GSE1: variants seen among roughly 807,000 people sequenced by gnomAD.
The protein encoded by GSE1 is Gse1 coiled-coil protein.
GSE1 carries 32 observed loss-of-function variants against 112.6 expected under a neutral mutation model. That is an observed-to-expected ratio of 0.28 (90% CI 0.21 to 0.38). The LOEUF is 0.38. Ranked by LOEUF, GSE1 falls within the 10% of genes least tolerant of loss-of-function variation. GSE1 has a pLI of 1.00. For missense variants in GSE1, 2,348 were observed against 1,699.2 expected (o/e 1.38, Z -6.71); for synonymous variants, 1,115 against 735.6 (o/e 1.52, Z -8.35).
chr16:85,521,762 G>A (rs1018414583), intron 2 of GSE1, among the ~76,000 whole-genome samples: 8 of 152,220 alleles, frequency 5.3e-5, no homozygotes, highest in Admixed American at 2.6e-4. Context: ...CACTGGAGCC[G>A]CCCTGAGAGG....
At chr16:85,663,240 C>T in intron 10 of GSE1, 104 bp from the exon 11 acceptor site, 1 of 1,389,592 alleles carries the variant, frequency 7.2e-7, no homozygotes, top group Non-Finnish European at 1.0e-6. Context: ...CAGGCGCAGC[C>T]AGCTACGGCC....
At chr16:85,328,408 C>T (rs1295293973) in intron 1 of GSE1, among the ~76,000 whole-genome samples, 1 of 152,224 alleles carries the variant, frequency 6.6e-6, no homozygotes, top group Admixed American at 6.5e-5. Flanking sequence ...CAGATAAAGG[C>T]ACAGCGGGGG....
intron 3 of GSE1, among the ~76,000 whole-genome samples, chr16:85,650,911 G>A (rs1350723871): frequency 6.6e-6 from 1 of 152,140 alleles, no homozygotes; most frequent in South Asian, 2.1e-4. Context: ...CCCAGGTGTA[G>A]TGGGAGCTGC....
intron 1 of GSE1, among the ~76,000 whole-genome samples, chr16:85,605,427 T>C (rs2047661235): frequency 6.6e-6 from 1 of 152,106 alleles, no homozygotes; most frequent in Non-Finnish European, 1.5e-5. Flanking sequence ...TATTTGTCTG[T>C]GCTGCCACCT....
At chr16:85,334,200 C>T (rs1027492283) in intron 1 of GSE1, among the ~76,000 whole-genome samples, 3 of 152,188 alleles carry the variant, frequency 2.0e-5, no homozygotes, top group Non-Finnish European at 4.4e-5. Context: ...CGACTTGGCT[C>T]CCTACTGCCC....
At chr16:85,647,626 C>T (rs757021267) in intron 2 of GSE1, among the ~76,000 whole-genome samples, 10 of 152,136 alleles carry the variant, frequency 6.6e-5, no homozygotes, top group South Asian at 2.1e-4. Context: ...CTCGCTCTGT[C>T]GCCAGGCTGG....
At chr16:85,262,966 C>T (rs1907860063) in intron 1 of GSE1, among the ~76,000 whole-genome samples, 1 of 152,212 alleles carries the variant, frequency 6.6e-6, no homozygotes, top group Non-Finnish European at 1.5e-5. Context: ...GAGATCCCTG[C>T]CCTTAGGGAG....
At chr16:85,415,857 A>T (rs2048692405) in intron 2 of GSE1, among the ~76,000 whole-genome samples, 1 of 152,200 alleles carries the variant, frequency 6.6e-6, no homozygotes, top group Non-Finnish European at 1.5e-5. Flanking sequence ...TTGCAAGGAG[A>T]CAGTTAACAT....
intron 1 of GSE1, among the ~76,000 whole-genome samples, chr16:85,569,521 G>A (rs993235790): frequency 1.3e-5 from 2 of 152,220 alleles, no homozygotes; most frequent in Non-Finnish European, 2.9e-5. Flanking sequence ...AAAAGGCTTT[G>A]TACATTTCAA....
At chr16:85,198,925 T>C (rs370702172) in intron 1 of GSE1, among the ~76,000 whole-genome samples, 1 of 151,056 alleles carries the variant, frequency 6.6e-6, no homozygotes, top group East Asian at 2.0e-4. Context: ...ACTACAGGCA[T>C]GCACCACCAC....
chr16:85,523,136 T>C (rs1344504183), intron 2 of GSE1, among the ~76,000 whole-genome samples: 1 of 151,134 alleles, frequency 6.6e-6, no homozygotes, highest in Non-Finnish European at 1.5e-5. Context: ...CCTGTGTGTG[T>C]GTGGCTGTGA....
At chr16:85,353,751 A>G (rs748105556) in intron 1 of GSE1, among the ~76,000 whole-genome samples, 2 of 152,224 alleles carry the variant, frequency 1.3e-5, no homozygotes, top group Non-Finnish European at 1.5e-5. Context: ...AATTCCATCA[A>G]GGTGATACCT....
intron 1 of GSE1, among the ~76,000 whole-genome samples, chr16:85,263,735 G>C (rs1907950167): frequency 6.6e-6 from 1 of 152,080 alleles, no homozygotes; most frequent in Non-Finnish European, 1.5e-5. Flanking sequence ...ACCACACCCA[G>C]CTAATTTTTG....
At chr16:85,331,363 GTGTATATA>G (rs1334160952) in intron 1 of GSE1, among the ~76,000 whole-genome samples, 33 of 45,424 alleles carry the variant, frequency 7.3e-4, no homozygotes, top group East Asian at 1.7e-3. Flanking sequence ...GTGTGTGTGT[GTGTATATA>G]TGTATATATA....
At chr16:85,612,243 G>A (rs1033272418), upstream of GSE1, among the ~76,000 whole-genome samples, 92 of 133,934 alleles carry the variant, frequency 6.9e-4, no homozygotes, top group Non-Finnish European at 1.1e-3. Context: ...GATGGGGTGG[G>A]GGCGGGGCGG....
intron 2 of GSE1, among the ~76,000 whole-genome samples, chr16:85,472,747 G>C (rs981769710): frequency 1.3e-5 from 2 of 152,218 alleles, no homozygotes; most frequent in Admixed American, 6.5e-5. Context: ...ACTTTAAACG[G>C]CCTAAAGGCT....
At position 85,654,474 on chromosome 16, in the gene GSE1, G is replaced by A. The variant is rs370105600; in HGVS notation, c.599+24G>A. The A allele has an allele frequency of 1.5e-4, 235 of 1,549,148 alleles. 1 individual carries two copies. Among genetic ancestry groups the A allele is most frequent in the South Asian group, 1.0e-3 (84 of 80,706 alleles). Reference sequence around the variant, plus strand: ...AAGTAAGTTGGTCGGCGGGGACTTCGGTGAGGTGGCCAGGTGGGGACACAG... The same window carrying A: ...AAGTAAGTTGGTCGGCGGGGACTTCAGTGAGGTGGCCAGGTGGGGACACAG... On this transcript the variant is annotated intron_variant, in intron 4 of 15. Coordinates refer to ENST00000253458, the MANE Select transcript of GSE1 (RefSeq NM_014615.5).
chr16:85,611,731 A>G (rs1412373455), upstream of GSE1, among the ~76,000 whole-genome samples: 1 of 151,968 alleles, frequency 6.6e-6, no homozygotes, highest in Non-Finnish European at 1.5e-5. Flanking sequence ...CGGAGGGCAC[A>G]CAGGCTGGTT....
chr16:85,298,056 A>C (rs1597326922), intron 1 of GSE1, among the ~76,000 whole-genome samples: 1 of 152,326 alleles, frequency 6.6e-6, no homozygotes, highest in South Asian at 2.1e-4. Context: ...AAAGGCTGTA[A>C]TCTCCATTCT....
Sources: gnomAD v4.1 joint callset for allele counts (sites outside exome capture counted in the v4.1 genomes callset) on GRCh38, gnomAD v4.1.1 for gene constraint, MANE v1.5 for transcripts, NCBI Gene and HGNC (gene_info 2026-07-23, HGNC 2026-07-21) for gene names.